The following DTNB variants were observed in gnomAD, a reference collection of about 807,000 sequenced individuals.
DTNB encodes dystrobrevin beta.
A neutral mutation model predicts 90.7 loss-of-function variants in DTNB; 63 were observed. That is an observed-to-expected ratio of 0.69 (90% CI 0.57 to 0.86). The LOEUF (loss-of-function observed/expected upper bound fraction) is 0.86, where lower values mean the gene tolerates loss of function less well. DTNB is among the 40% of genes least tolerant of loss of function. The pLI is 0.00. For missense variants in DTNB, 744 were observed against 807.1 expected, an observed-to-expected ratio of 0.92 and a Z score of 0.95; for synonymous variants, 277 against 286.7, an observed-to-expected ratio of 0.97 and a Z score of 0.34.
At chr2:25,431,388 T>C (rs1189331256) in intron 14 of DTNB, among the ~76,000 whole-genome samples, 1 of 152,190 alleles carries the variant, frequency 6.6e-6, no homozygotes, top group Non-Finnish European at 1.5e-5. Flanking sequence ...TCGGTTTTTG[T>C]AATTAGTGTG....
intron 6 of DTNB, among the ~76,000 whole-genome samples, chr2:25,585,849 A>G (rs2062300387): frequency 6.6e-6 from 1 of 152,232 alleles, no homozygotes; most frequent in Non-Finnish European, 1.5e-5. Context: ...TACATTAATC[A>G]GAGTTACAGA....
intron 3 of DTNB, among the ~76,000 whole-genome samples, chr2:25,631,252 T>TA (rs2075679699): frequency 6.6e-6 from 1 of 152,128 alleles, no homozygotes; most frequent in Non-Finnish European, 1.5e-5. Context: ...AACATATTGT[T>TA]AAAGAGGGTC....
intron 17 of DTNB, 96 bp downstream of exon 17, chr2:25,388,106 G>A: frequency 4.6e-6 from 7 of 1,509,430 alleles, no homozygotes; most frequent in East Asian, 2.4e-5. Flanking sequence ...TCCAAGCAAA[G>A]AGCACAAAAC....
intron 8 of DTNB, among the ~76,000 whole-genome samples, chr2:25,573,971 C>T (rs917536105): frequency 3.3e-5 from 5 of 152,134 alleles, no homozygotes; most frequent in African/African-American, 1.2e-4. Flanking sequence ...TCCGCGGAGT[C>T]CTAATGACGT....
At chr2:25,596,873 A>T (rs2064774849) in intron 5 of DTNB, among the ~76,000 whole-genome samples, 1 of 152,220 alleles carries the variant, frequency 6.6e-6, no homozygotes. Context: ...AGTCAGGTCA[A>T]GCAGATGAGA....
intron 10 of DTNB, among the ~76,000 whole-genome samples, chr2:25,479,041 G>A (rs1179043552): frequency 6.6e-6 from 1 of 152,106 alleles, no homozygotes; most frequent in African/African-American, 2.4e-5. Flanking sequence ...CCTTTGCTTT[G>A]TGGGTTTTGC....
At chr2:25,652,872 T>C (rs936471552) in intron 1 of DTNB, 2 of 475,110 alleles carry the variant, frequency 4.2e-6, no homozygotes, top group African/African-American at 4.0e-5. Context: ...AAATCAATAC[T>C]TGTATGAGCT....
At chr2:25,563,304 T>C (rs1327494566) in intron 8 of DTNB, among the ~76,000 whole-genome samples, 1 of 152,206 alleles carries the variant, frequency 6.6e-6, no homozygotes, top group Non-Finnish European at 1.5e-5. Context: ...AGTTGGGGTG[T>C]TGTTTTTGTT....
At chr2:25,429,246 T>C (rs1383897401) in intron 14 of DTNB, among the ~76,000 whole-genome samples, 2 of 152,224 alleles carry the variant, frequency 1.3e-5, no homozygotes, top group South Asian at 2.1e-4. Flanking sequence ...AAGTAAGATA[T>C]ACTATTAAAA....
At chr2:25,664,259 T>C (rs1446540836) in intron 1 of DTNB, among the ~76,000 whole-genome samples, 1 of 152,216 alleles carries the variant, frequency 6.6e-6, no homozygotes, top group Non-Finnish European at 1.5e-5. Context: ...AATAGAAGTA[T>C]CCACTCTGTT....
At chr2:25,577,556 C>T (rs1242333771) in intron 7 of DTNB, among the ~76,000 whole-genome samples, 1 of 151,268 alleles carries the variant, frequency 6.6e-6, no homozygotes, top group South Asian at 2.1e-4. Context: ...AAATTCAACA[C>T]AGACTAATGA....
chr2:25,477,201 TATG>T (rs1265023147), intron 10 of DTNB, among the ~76,000 whole-genome samples: 1 of 152,222 alleles, frequency 6.6e-6, no homozygotes, highest in Non-Finnish European at 1.5e-5. Flanking sequence ...ATTGCACACT[TATG>T]AGGCTATAGT....
At chr2:25,564,407 GTCTC>G (rs538606699) in intron 8 of DTNB, among the ~76,000 whole-genome samples, 45 of 152,032 alleles carry the variant, frequency 3.0e-4, no homozygotes, top group African/African-American at 4.3e-4. Flanking sequence ...TTGAGATGGA[GTCTC>G]TCTCTGTCAC....
Position 25,628,233 on chromosome 2 carries a change from G to A in DTNB, c.300C>T (p.His100=). 6.2e-7 allele frequency: 1 copy of A among 1,613,708 alleles called. No homozygotes were observed. Residue 100 remains histidine, a synonymous_variant, in exon 4 of 21, where the codon CAC becomes CAT. Coordinates refer to ENST00000406818, the MANE Select transcript of DTNB (RefSeq NM_021907.5). ...TGATAGATTGTTCCACACTAATTTGGTGAGTAGAAGGAAGGCGCTTGTTCA... is the reference window on the plus strand; with the variant it reads ...TGATAGATTGTTCCACACTAATTTGATGAGTAGAAGGAAGGCGCTTGTTCA... ...YQLNKRLPST[H]QISVEQSISL...
intron 8 of DTNB, among the ~76,000 whole-genome samples, chr2:25,537,770 G>C (rs903813385): frequency 2.0e-5 from 3 of 152,194 alleles, no homozygotes; most frequent in Non-Finnish European, 2.9e-5. Context: ...CAGCCCCTAG[G>C]ACAAGGCCCC....
chr2:25,650,942 CTGAG>C (rs2080794657), intron 2 of DTNB, among the ~76,000 whole-genome samples: 1 of 150,600 alleles, frequency 6.6e-6, no homozygotes, highest in Non-Finnish European at 1.5e-5. Flanking sequence ...GCCTGGGCGG[CTGAG>C]TGAGACTCCC....
chr2:25,660,993 T>G (rs981351324), intron 1 of DTNB, among the ~76,000 whole-genome samples: 3 of 152,242 alleles, frequency 2.0e-5, no homozygotes, highest in Admixed American at 6.5e-5. Flanking sequence ...GCCAACAGCA[T>G]GGGTATATGA....
intron 16 of DTNB, among the ~76,000 whole-genome samples, chr2:25,393,996 T>C (rs2041800786): frequency 6.8e-6 from 1 of 147,428 alleles, no homozygotes; most frequent in South Asian, 2.1e-4. Flanking sequence ...CTTCAAACTA[T>C]GCTATAAGGC....
At chr2:25,483,276 A>T (rs1255582199) in intron 9 of DTNB, among the ~76,000 whole-genome samples, 1 of 152,154 alleles carries the variant, frequency 6.6e-6, no homozygotes, top group Admixed American at 6.5e-5. Context: ...ATTTCTCTAC[A>T]TTTTACGTAC....
Sources: gnomAD v4.1 joint callset for allele counts (sites outside exome capture counted in the v4.1 genomes callset) on GRCh38, gnomAD v4.1.1 for gene constraint, MANE v1.5 for transcripts, NCBI Gene and HGNC (gene_info 2026-07-23, HGNC 2026-07-21) for gene names.